CNTN4: variants seen among roughly 807,000 people sequenced by gnomAD.
CNTN4 encodes contactin 4.
Under a neutral mutation model 122.5 loss-of-function variants are expected in CNTN4, and 77 were observed. The ratio of observed to expected loss-of-function variants is 0.63; its 90% confidence interval spans 0.52 to 0.76. The LOEUF (loss-of-function observed/expected upper bound fraction) is 0.76, where lower values mean the gene tolerates loss of function less well. CNTN4 is among the 30% of genes least tolerant of loss of function. The probability of loss-of-function intolerance (pLI) is 0.00; values close to 1 mark genes in which losing one functional copy is unlikely to be tolerated. For missense variants in CNTN4, 1,256 were observed against 1,259.1 expected (o/e 1.00, Z 0.04); for synonymous variants, 512 against 447.0 (o/e 1.15, Z -1.83).
chr3:2,330,075 C>A (rs2043654776), intron 2 of CNTN4, among the ~76,000 whole-genome samples: 2 of 152,174 alleles, frequency 1.3e-5, no homozygotes, highest in African/African-American at 4.8e-5. Flanking sequence ...GAACTTCTGG[C>A]CAATTGATAT....
chr3:2,829,873 A>G (rs183240644), intron 7 of CNTN4, among the ~76,000 whole-genome samples: 1 of 152,318 alleles, frequency 6.6e-6, no homozygotes, highest in Non-Finnish European at 1.5e-5. Context: ...TAGGAGTAGT[A>G]GCTACATACT....
In CNTN4 at chr3:2,606,355, G is replaced by A. The variant is rs182719907; in HGVS notation, c.55+34797G>A. ...GTGGTAGGGCAGGGGTCGAGGGGGA[G>A]GGAGAGCATCAGGAAAAACAGCTAA... On this transcript the variant is annotated intron_variant, in intron 4 of 24. Coordinates refer to ENST00000418658, the MANE Select transcript of CNTN4 (RefSeq NM_175607.3). 1.5e-3 allele frequency among the ~76,000 whole-genome samples: 229 copies of A among 152,266 alleles called. 1 individual carries two copies. Among genetic ancestry groups the A allele is most frequent in the African/African-American group, 5.2e-3 (216 of 41,550 alleles).
At chr3:2,271,742 A>G (rs1461386838) in intron 2 of CNTN4, among the ~76,000 whole-genome samples, 1 of 152,136 alleles carries the variant, frequency 6.6e-6, no homozygotes, top group Non-Finnish European at 1.5e-5. Context: ...TAAAGAATGT[A>G]TCTTATTGGA....
chr3:2,193,015 C>G (rs2149348359), intron 2 of CNTN4, among the ~76,000 whole-genome samples: 1 of 152,204 alleles, frequency 6.6e-6, no homozygotes, highest in East Asian at 1.9e-4. Context: ...TCTCTGATTT[C>G]CTTATTTCTC....
Position 2,521,317 on chromosome 3 carries a change from T to C in CNTN4, c.-88-50099T>C, listed in dbSNP as rs1480655730. ...GCAGGCCTCTGCTTCATTTTGTTTCTGTGAACAAGGGTGGACCTCTACCCA... is the reference window on the plus strand; with the variant it reads ...GCAGGCCTCTGCTTCATTTTGTTTCCGTGAACAAGGGTGGACCTCTACCCA... On this transcript the variant is annotated intron_variant, in intron 3 of 24. Transcript: ENST00000418658. Among the ~76,000 whole-genome samples, 56 of 150,726 alleles carry C rather than the reference T, an allele frequency of 3.7e-4. 1 individual carries two copies. The Admixed American group carries it at 3.7e-3, about 10-fold the overall frequency.
At chr3:2,184,311 C>T (rs911764678) in intron 2 of CNTN4, among the ~76,000 whole-genome samples, 1 of 152,042 alleles carries the variant, frequency 6.6e-6, no homozygotes, top group Non-Finnish European at 1.5e-5. Context: ...AAGGAACTTC[C>T]CTTCCAGGAA....
At chr3:2,620,802 C>A (rs2081961505) in intron 4 of CNTN4, among the ~76,000 whole-genome samples, 1 of 152,124 alleles carries the variant, frequency 6.6e-6, no homozygotes, top group Non-Finnish European at 1.5e-5. Flanking sequence ...TGTAATTATT[C>A]TTCCTTTGAC....
intron 2 of CNTN4, among the ~76,000 whole-genome samples, chr3:2,243,769 T>C (rs1030598107): frequency 1.3e-5 from 2 of 152,082 alleles, no homozygotes; most frequent in Non-Finnish European, 1.5e-5. Context: ...TTGAAACCTT[T>C]AGTATTTTAC....
chr3:2,787,971 G>A (rs568482799), intron 6 of CNTN4, among the ~76,000 whole-genome samples: 15 of 152,134 alleles, frequency 9.9e-5, no homozygotes, highest in African/African-American at 3.6e-4. Context: ...TGTATTTTTA[G>A]TAGAGACGGG....
chr3:2,416,934 G>A (rs1034447961), intron 3 of CNTN4, among the ~76,000 whole-genome samples: 1 of 151,738 alleles, frequency 6.6e-6, no homozygotes, highest in Non-Finnish European at 1.5e-5. Flanking sequence ...GATTACACGC[G>A]TGAGCCACCG....
At chr3:2,577,867 G>T (rs564638488) in intron 4 of CNTN4, among the ~76,000 whole-genome samples, 1 of 152,216 alleles carries the variant, frequency 6.6e-6, no homozygotes, top group East Asian at 1.9e-4. Context: ...TTTCAAGGAG[G>T]CTAAATTTAT....
chr3:2,340,710 T>TAGAGAGAGAGAGAGAGAGAGAG (rs747326741), intron 3 of CNTN4, among the ~76,000 whole-genome samples: 4 of 18,302 alleles, frequency 2.2e-4, no homozygotes, highest in Non-Finnish European at 3.2e-4. Flanking sequence ...TATATATATA[T>TAGAGAGAGAGAGAGAGAGAGAG]AGAGAGAGAG....
intron 3 of CNTN4, among the ~76,000 whole-genome samples, chr3:2,524,933 G>A (rs2077348678): frequency 6.6e-6 from 1 of 152,136 alleles, no homozygotes; most frequent in African/African-American, 2.4e-5. Flanking sequence ...ATAGAACACT[G>A]TAGGGAAACT....
At chr3:2,717,485 G>A (rs906962670) in intron 4 of CNTN4, among the ~76,000 whole-genome samples, 6 of 152,228 alleles carry the variant, frequency 3.9e-5, no homozygotes, top group African/African-American at 9.6e-5. Context: ...TGGGAATCTT[G>A]CCTCTGATTT....
intron 13 of CNTN4, among the ~76,000 whole-genome samples, chr3:2,969,736 C>T (rs1403904654): frequency 6.6e-6 from 1 of 152,102 alleles, no homozygotes; most frequent in Non-Finnish European, 1.5e-5. Flanking sequence ...AACAGACCAA[C>T]AATGACAGAC....
intron 6 of CNTN4, among the ~76,000 whole-genome samples, chr3:2,763,954 G>C (rs1386854452): frequency 2.7e-5 from 4 of 150,696 alleles, no homozygotes; most frequent in Admixed American, 6.6e-5. Flanking sequence ...GGATTGCCTT[G>C]GCTATTCGGG....
At chr3:2,810,331 A>G (rs1223899481) in intron 6 of CNTN4, among the ~76,000 whole-genome samples, 1 of 152,234 alleles carries the variant, frequency 6.6e-6, no homozygotes, top group Non-Finnish European at 1.5e-5. Flanking sequence ...GATAATATTT[A>G]TAAAGTGGTT....
chr3:2,558,885 A>G (rs1218320175), intron 3 of CNTN4, among the ~76,000 whole-genome samples: 3 of 152,226 alleles, frequency 2.0e-5, no homozygotes, highest in Admixed American at 6.5e-5. Context: ...AAAGAAGAAC[A>G]TAAATAGAAT....
At chr3:2,342,458 A>G (rs2044243620) in intron 3 of CNTN4, among the ~76,000 whole-genome samples, 1 of 152,192 alleles carries the variant, frequency 6.6e-6, no homozygotes, top group Non-Finnish European at 1.5e-5. Flanking sequence ...ACCAAAGGTC[A>G]TATATTATAT....
Sources: allele counts gnomAD v4.1 joint callset (sites outside exome capture counted in the v4.1 genomes callset), GRCh38; gene constraint gnomAD v4.1.1; transcripts MANE v1.5; gene names NCBI Gene and HGNC (gene_info 2026-07-23, HGNC 2026-07-21).